The following CAB39L variants were observed in gnomAD, a reference collection of about 807,000 sequenced individuals.
CAB39L encodes calcium binding protein 39 like, also known as calcium-binding protein 39-like.
Under a neutral mutation model 39.1 loss-of-function variants are expected in CAB39L, and 23 were observed. The ratio of observed to expected loss-of-function variants is 0.59; its 90% CI spans 0.42 to 0.83. CAB39L has a LOEUF of 0.83. CAB39L is among the 40% of genes least tolerant of loss of function. CAB39L has a pLI of 0.00. For missense variants in CAB39L, 366 were observed against 391.9 expected (o/e 0.93, Z 0.56); for synonymous variants, 126 against 137.2 (o/e 0.92, Z 0.57).
At chr13:49,351,403 G>A (rs190443592) in intron 6 of CAB39L, among the ~76,000 whole-genome samples, 1 of 152,136 alleles carries the variant, frequency 6.6e-6, no homozygotes, top group Non-Finnish European at 1.5e-5. Context: ...CAGGCTTGGC[G>A]AAACAGAGAA....
chr13:49,420,142 T>G (rs893623925), intron 3 of CAB39L, among the ~76,000 whole-genome samples: 2 of 152,214 alleles, frequency 1.3e-5, no homozygotes, highest in Non-Finnish European at 2.9e-5. Context: ...ATTTTAATAT[T>G]CTTTAATGTA....
chr13:49,422,257 C>T (rs1268302267), intron 3 of CAB39L, among the ~76,000 whole-genome samples: 1 of 152,006 alleles, frequency 6.6e-6, no homozygotes. Flanking sequence ...GAATTTTAGC[C>T]CAAGGAAAAG....
At position 49,350,744 on chromosome 13, in the gene CAB39L, C is replaced by T. The variant is rs1277584892; in HGVS notation, c.564G>A (p.Lys188=). Residue 188 remains lysine (K), a splice_region_variant and synonymous_variant, in exon 7 of 11, where the codon AAG becomes AAA. Coordinates refer to ENST00000409308, the MANE Select transcript of CAB39L (RefSeq NM_001079670.3). The stretch of plus-strand genomic sequence containing the variant: ...AGCTGAGTTGGAAAAAAAAAATTAC[C>T]TTGAAAGTAGCAAAGGCATCTGAAG... The part of the protein sequence containing the change: ...DIASDAFATF[K]DLLTRHKVLV... 1 of 1,539,630 alleles carries T rather than the reference C, an allele frequency of 6.5e-7. No individual in the cohort carries two copies. The highest frequency in any genetic ancestry group is 8.8e-7 in the Non-Finnish European group (1 of 1,140,810).
chr13:49,386,717 G>C (rs770046283), intron 3 of CAB39L, among the ~76,000 whole-genome samples: 1 of 151,778 alleles, frequency 6.6e-6, no homozygotes. Context: ...CCAGCACCCA[G>C]ACCCCCTGCA....
chr13:49,388,739 T>A (rs1188205003), intron 3 of CAB39L, among the ~76,000 whole-genome samples: 1 of 152,022 alleles, frequency 6.6e-6, no homozygotes, highest in African/African-American at 2.4e-5. Flanking sequence ...AACTCATTCA[T>A]ATAGGAATAA....
intron 3 of CAB39L, among the ~76,000 whole-genome samples, chr13:49,403,288 T>C (rs1424987986): frequency 6.6e-6 from 1 of 152,142 alleles, no homozygotes; most frequent in Non-Finnish European, 1.5e-5. Context: ...GATTAAAGGT[T>C]GTTCTGGTCC....
intron 3 of CAB39L, among the ~76,000 whole-genome samples, chr13:49,426,329 T>C (rs1042996288): frequency 6.6e-6 from 1 of 152,254 alleles, no homozygotes; most frequent in Admixed American, 6.5e-5. Context: ...ACAGCCACAC[T>C]CTCAACTTTG....
At chr13:49,356,095 TA>T (rs1479918672) in intron 6 of CAB39L, among the ~76,000 whole-genome samples, 2 of 152,188 alleles carry the variant, frequency 1.3e-5, no homozygotes, top group Non-Finnish European at 2.9e-5. Context: ...CAATGGATGG[TA>T]AAACAATTAA....
intron 3 of CAB39L, among the ~76,000 whole-genome samples, chr13:49,383,296 A>G (rs1387032550): frequency 6.6e-6 from 1 of 152,086 alleles, no homozygotes; most frequent in African/African-American, 2.4e-5. Flanking sequence ...GTTTAGCTAT[A>G]TGTATTCTAT....
At chr13:49,414,894 TA>T (rs765030478) in intron 3 of CAB39L, among the ~76,000 whole-genome samples, 2 of 150,736 alleles carry the variant, frequency 1.3e-5, no homozygotes, top group East Asian at 1.9e-4. Context: ...AAGTAGGCAT[TA>T]AAAAAAAATG....
chr13:49,399,547 T>C (rs1159197093), intron 3 of CAB39L, among the ~76,000 whole-genome samples: 2 of 152,124 alleles, frequency 1.3e-5, no homozygotes, highest in South Asian at 2.1e-4. Flanking sequence ...GCTTAGACTA[T>C]AATAAACGCC....
chr13:49,325,583 G>T (rs1400514136), intron 10 of CAB39L, among the ~76,000 whole-genome samples: 2 of 152,144 alleles, frequency 1.3e-5, no homozygotes, highest in African/African-American at 2.4e-5. Context: ...GAGGTCGGGA[G>T]TTTGAGACCA....
chr13:49,436,149 G>A (rs572582000), intron 1 of CAB39L, among the ~76,000 whole-genome samples: 1 of 152,278 alleles, frequency 6.6e-6, no homozygotes, highest in Admixed American at 6.5e-5. Context: ...CTGTTTAGAA[G>A]TCTGTTGCTA....
intron 9 of CAB39L, among the ~76,000 whole-genome samples, chr13:49,336,704 A>C (rs1014655248): frequency 6.6e-6 from 1 of 152,150 alleles, no homozygotes; most frequent in Non-Finnish European, 1.5e-5. Flanking sequence ...TACTACTCCA[A>C]TTGCCATCTT....
At chr13:49,313,472 C>T (rs886494543) in intron 10 of CAB39L, among the ~76,000 whole-genome samples, 14 of 148,446 alleles carry the variant, frequency 9.4e-5, no homozygotes, top group South Asian at 2.1e-4. Context: ...CAGAGTGAGA[C>T]TCCGTCTCAA....
At chr13:49,441,218 A>AGTGT (rs993100113) in intron 1 of CAB39L, among the ~76,000 whole-genome samples, 3 of 111,732 alleles carry the variant, frequency 2.7e-5, no homozygotes, top group African/African-American at 1.8e-4. Flanking sequence ...ATAATGATTT[A>AGTGT]GTGTATATAT....
intron 5 of CAB39L, among the ~76,000 whole-genome samples, chr13:49,369,457 CAA>C (rs1359607051): frequency 2.6e-5 from 4 of 152,150 alleles, no homozygotes; most frequent in Non-Finnish European, 4.4e-5. Context: ...AAGCCAGGCT[CAA>C]AAGGCTACAT....
At chr13:49,386,190 GA>G (rs1240888849) in intron 3 of CAB39L, among the ~76,000 whole-genome samples, 1 of 152,126 alleles carries the variant, frequency 6.6e-6, no homozygotes, top group African/African-American at 2.4e-5. Context: ...GATATGATAT[GA>G]TTTTTTGTCC....
intron 8 of CAB39L, 50 bp downstream of exon 8, chr13:49,344,129 A>G (rs779551299): frequency 2.8e-6 from 3 of 1,081,680 alleles, no homozygotes; most frequent in South Asian, 1.3e-5. Flanking sequence ...TAGATCTAAA[A>G]GGGAGGGAGA....
Sources: gnomAD v4.1 joint callset for allele counts (sites outside exome capture counted in the v4.1 genomes callset) on GRCh38, gnomAD v4.1.1 for gene constraint, MANE v1.5 for transcripts, NCBI Gene and HGNC (gene_info 2026-07-23, HGNC 2026-07-21) for gene names.